Variants in COL5A2 observed in about 807,000 individuals in gnomAD.
The protein encoded by COL5A2 is collagen type V alpha 2 chain.
COL5A2 carries 23 observed loss-of-function variants against 208.2 expected under a neutral mutation model. That is an observed-to-expected ratio of 0.11 (90% confidence interval 0.08 to 0.16). The LOEUF (loss-of-function observed/expected upper bound fraction) is 0.16. Among genes scored for constraint, COL5A2 ranks in the 10% least tolerant of loss-of-function variants. COL5A2 has a pLI of 1.00. For missense variants in COL5A2, 1,590 were observed against 1,956.4 expected (o/e 0.81, Z 3.53); for synonymous variants, 625 against 628.5 (o/e 0.99, Z 0.08).
rs369227715 is a variant in COL5A2, at chr2:189,050,562, T to C, written c.3039+7A>G. 1.5e-5 allele frequency: 23 copies of C among 1,545,416 alleles called. No individual in the cohort carries two copies. The African/African-American group carries it at 3.0e-4, about 20-fold the overall frequency. Reference sequence around the variant, plus strand: ...GAGATAAAATATTGACCGATGCAGCTACTCACCGCTGGGCCTGGTAGGCCG... The same window carrying C: ...GAGATAAAATATTGACCGATGCAGCCACTCACCGCTGGGCCTGGTAGGCCG... On this transcript the variant is annotated splice_region_variant and intron_variant, in intron 43 of 53. Transcript: ENST00000374866.
intron 22 of COL5A2, 114 bp from the exon 23 acceptor site, chr2:189,066,611 A>G (rs1686156337): frequency 8.9e-6 from 12 of 1,344,896 alleles, no homozygotes; most frequent in African/African-American, 1.4e-5. Flanking sequence ...GAACAATGAG[A>G]TATTTTCATC....
the COL5A2 span, among the ~76,000 whole-genome samples, chr2:189,315,336 CAT>C: frequency 6.6e-6 from 1 of 152,196 alleles, no homozygotes; most frequent in African/African-American, 2.4e-5. Flanking sequence ...GCAAAAACCA[CAT>C]GATTATCTCA....
chr2:189,423,895 GA>G, the COL5A2 span, among the ~76,000 whole-genome samples: 162 of 145,770 alleles, frequency 1.1e-3, 1 homozygote, highest in Middle Eastern at 3.5e-3. Flanking sequence ...AGACGAGGGG[GA>G]AAAAAAAAAG....
At chr2:189,112,732 T>G (rs565721336) in intron 1 of COL5A2, among the ~76,000 whole-genome samples, 2 of 152,194 alleles carry the variant, frequency 1.3e-5, no homozygotes, top group Non-Finnish European at 2.9e-5. Context: ...TTATAGTCAT[T>G]TAAAACCAAG....
intron 11 of COL5A2, among the ~76,000 whole-genome samples, chr2:189,084,344 C>T (rs965461226): frequency 6.6e-6 from 1 of 152,096 alleles, no homozygotes; most frequent in Non-Finnish European, 1.5e-5. Context: ...CATAAACATA[C>T]ATGTATGCTA....
chr2:189,355,307 A>G, the COL5A2 span, among the ~76,000 whole-genome samples: 4 of 152,202 alleles, frequency 2.6e-5, no homozygotes, highest in African/African-American at 9.7e-5. Flanking sequence ...TGCTTGGTCC[A>G]GAGTTGAGTT....
intron 1 of COL5A2, among the ~76,000 whole-genome samples, chr2:189,206,007 T>C (rs1464566785): frequency 6.6e-6 from 1 of 152,176 alleles, no homozygotes; most frequent in Non-Finnish European, 1.5e-5. Context: ...ATTTCTTAAG[T>C]CTGCGGTAAA....
In COL5A2 at chr2:189,097,934, A is replaced by G. The variant is rs899728047; in HGVS notation, c.403-604T>C. Among the ~76,000 whole-genome samples, 8 of 152,330 alleles carry G rather than the reference A, an allele frequency of 5.3e-5. No homozygotes were observed. The East Asian group carries it at 1.5e-3, about 29-fold the overall frequency. Reference sequence around the variant, plus strand: ...TCCCTTGTATGTTTAAAACCCACTTAGAAATTTCCAAATCTTAATTACAGT... The same window carrying G: ...TCCCTTGTATGTTTAAAACCCACTTGGAAATTTCCAAATCTTAATTACAGT... On this transcript the variant is annotated intron_variant, in intron 5 of 53. Transcript: ENST00000374866.
the COL5A2 span, among the ~76,000 whole-genome samples, chr2:189,341,560 G>T: frequency 6.6e-6 from 1 of 151,962 alleles, no homozygotes; most frequent in Non-Finnish European, 1.5e-5. Flanking sequence ...ACAAAACAGG[G>T]ACAAACTAAG....
the COL5A2 span, among the ~76,000 whole-genome samples, chr2:189,437,569 T>A: frequency 6.6e-6 from 1 of 152,210 alleles, no homozygotes; most frequent in African/African-American, 2.4e-5. Flanking sequence ...ATTATAACCA[T>A]GAGAACTGTT....
At chr2:189,272,049 T>C in the COL5A2 span, among the ~76,000 whole-genome samples, 5 of 152,272 alleles carry the variant, frequency 3.3e-5, no homozygotes, top group African/African-American at 1.2e-4. Context: ...AGGAACGCTT[T>C]TACACTGTTG....
Position 189,043,202 on chromosome 2 carries a change from A to C in COL5A2, c.3420T>G (p.Gly1140=). The C allele has an allele frequency of 6.2e-7, 1 of 1,613,854 alleles. No individual in the cohort carries two copies. Among genetic ancestry groups the C allele is most frequent in the Non-Finnish European group, 8.5e-7 (1 of 1,179,880 alleles). The change falls in exon 48 of 54, where the codon GGT becomes GGG. Residue 1140 remains glycine (G), a synonymous_variant. Transcript: ENST00000374866. ...CAGTAAAGCCTCTGTGGCCCTTCTG[A>C]CCTCTGTCACCTCGGTCTCCATGAT... ...KGDHGDRGDR[G]QKGHRGFTGL...
At chr2:189,132,680 G>A (rs1262739693) in intron 1 of COL5A2, among the ~76,000 whole-genome samples, 1 of 152,086 alleles carries the variant, frequency 6.6e-6, no homozygotes, top group Non-Finnish European at 1.5e-5. Context: ...CAGCACTTTG[G>A]AAAGCCGAGG....
rs571180674 is a variant in COL5A2 at position 189,076,808 on chromosome 2, C to T, written c.1060-1371G>A. 1.8e-4 allele frequency among the ~76,000 whole-genome samples: 28 copies of T among 152,126 alleles called. No individual in the cohort carries two copies. In the South Asian group the frequency reaches 3.5e-3, roughly 19 times the overall value. On this transcript the variant is annotated intron_variant, in intron 16 of 53. Transcript: ENST00000374866. ...CACACTGAAGAACTTCAGCTGGGCC[C>T]GGTGACTCATGCCTGTAATTCCAGC... is the stretch of plus-strand genomic sequence containing the variant.
the COL5A2 span, among the ~76,000 whole-genome samples, chr2:189,334,695 C>T: frequency 0.036 from 5,539 of 152,012 alleles, 116 homozygotes; most frequent in Admixed American, 0.05. Context: ...CTCAGTTAAA[C>T]GTAAGCAGGT....
At position 189,068,187 on chromosome 2, in the gene COL5A2, G is replaced by A. The variant is rs754408958; in HGVS notation, c.1302+39C>T. 4 of 1,608,824 alleles carry A rather than the reference G, an allele frequency of 2.5e-6. No individual in the cohort carries two copies. In the South Asian group the frequency reaches 3.3e-5, roughly 13 times the overall value. ...CTGGGGCCAATGTCTAAAGAATCATGCCCATTTGAGCTTCACATGCCATAA... is the reference window on the plus strand; with the variant it reads ...CTGGGGCCAATGTCTAAAGAATCATACCCATTTGAGCTTCACATGCCATAA... On this transcript the variant is annotated intron_variant, in intron 20 of 53. Coordinates refer to ENST00000374866, the MANE Select transcript of COL5A2 (RefSeq NM_000393.5).
chr2:189,205,110 T>C (rs1201715419), intron 1 of COL5A2, among the ~76,000 whole-genome samples: 1 of 152,176 alleles, frequency 6.6e-6, no homozygotes, highest in Non-Finnish European at 1.5e-5. Flanking sequence ...TGTTGAGTCA[T>C]TTATAAAGAA....
chr2:189,220,020 A>C (rs1185724879), intron 1 of COL5A2, among the ~76,000 whole-genome samples: 1 of 151,672 alleles, frequency 6.6e-6, no homozygotes, highest in Non-Finnish European at 1.5e-5. Flanking sequence ...GTAGAGCACA[A>C]ATGGCCTATT....
chr2:189,352,219 G>A, the COL5A2 span, among the ~76,000 whole-genome samples: 1 of 152,128 alleles, frequency 6.6e-6, no homozygotes, highest in African/African-American at 2.4e-5. Flanking sequence ...CTTTTGGGTT[G>A]GTTCCAAGTC....
Sources: gnomAD v4.1 joint callset for allele counts (sites outside exome capture counted in the v4.1 genomes callset) on GRCh38, gnomAD v4.1.1 for gene constraint, MANE v1.5 for transcripts, NCBI Gene and HGNC (gene_info 2026-07-23, HGNC 2026-07-21) for gene names.